The following RPGRIP1L variants were observed in gnomAD, a reference collection of about 807,000 sequenced individuals.
RPGRIP1L encodes RPGRIP1 like, also known as protein fantom.
RPGRIP1L carries 131 observed loss-of-function variants against 160.4 expected under a neutral mutation model. That is an observed-to-expected ratio of 0.82 (90% CI 0.71 to 0.94). RPGRIP1L has a LOEUF of 0.94. RPGRIP1L is among the 40% of genes least tolerant of loss of function. RPGRIP1L has a pLI of 0.00. For synonymous variants in RPGRIP1L, 510 were observed against 515.8 expected, an observed-to-expected ratio of 0.99 and a Z score of 0.15; for missense variants, 1,522 against 1,535.8, an observed-to-expected ratio of 0.99 and a Z score of 0.15.
Position 53,700,748 on chromosome 16 carries a change from T to A in RPGRIP1L, c.-7-18A>T, listed in dbSNP as rs1222252901. On this transcript the variant is annotated intron_variant, in intron 1 of 26. Transcript: ENST00000647211. ...TGGCCTAGCTGTGGAAAAAAGAAAA[T>A]TCAAATAAACTCTTTCCAAATTATT... is the stretch of plus-strand genomic sequence containing the variant. 1.9e-6 allele frequency: 3 copies of A among 1,583,210 alleles called. No homozygotes were observed. In the South Asian group the frequency reaches 3.4e-5, roughly 18 times the overall value.
chr16:53,638,836 G>GT (rs1966013980), intron 19 of RPGRIP1L, among the ~76,000 whole-genome samples: 1 of 151,770 alleles, frequency 6.6e-6, no homozygotes, highest in African/African-American at 2.4e-5. Flanking sequence ...TATATATATA[G>GT]TTGTATTATG....
At chr16:53,645,327 G>C (rs969296633) in intron 17 of RPGRIP1L, among the ~76,000 whole-genome samples, 4 of 151,694 alleles carry the variant, frequency 2.6e-5, no homozygotes, top group African/African-American at 9.7e-5. Flanking sequence ...TTGCAAAAAG[G>C]AGATGAGAGA....
intron 4 of RPGRIP1L, among the ~76,000 whole-genome samples, chr16:53,689,043 CATG>C (rs1970210950): frequency 6.7e-6 from 1 of 150,054 alleles, no homozygotes; most frequent in Non-Finnish European, 1.5e-5. Context: ...CTTACAGTCT[CATG>C]GTGATTTGCC....
chr16:53,619,115 A>G lies in RPGRIP1L; in HGVS notation c.3526T>C (p.Cys1176Arg). The stretch of plus-strand genomic sequence containing the variant: ...TCAGCAGGAAGACTGTAGAATCGAC[A>G]CTCAACAAACAGCCGTTGGATAGTG... Reference protein sequence around the residue: ...DDTIQRLFVECRFYSLPAEET... With the variant: ...DDTIQRLFVERRFYSLPAEET... Residue 1176 changes from cysteine to arginine, a missense_variant, in exon 24 of 27, where the codon TGT becomes CGT. Physicochemically the swap from Cys to Arg is radical, Grantham distance 180. Coordinates refer to ENST00000647211, the MANE Select transcript of RPGRIP1L (RefSeq NM_015272.5). 1.2e-6 allele frequency: 2 copies of G among 1,614,072 alleles called. No homozygotes were observed. Among genetic ancestry groups the G allele is most frequent in the Non-Finnish European group, 1.7e-6 (2 of 1,179,958 alleles).
At chr16:53,633,266 ATTAGGC>A (rs1329816842) in intron 22 of RPGRIP1L, among the ~76,000 whole-genome samples, 1 of 152,224 alleles carries the variant, frequency 6.6e-6, no homozygotes, top group African/African-American at 2.4e-5. Context: ...ACCATCAATA[ATTAGGC>A]AAAATGACAT....
intron 22 of RPGRIP1L, among the ~76,000 whole-genome samples, chr16:53,622,607 T>G (rs1028163173): frequency 6.6e-6 from 1 of 151,886 alleles, no homozygotes; most frequent in African/African-American, 2.4e-5. Flanking sequence ...CACCCATTCC[T>G]GCTCATTTTA....
chr16:53,646,093 A>T, intron 16 of RPGRIP1L, 90 bp from the exon 17 acceptor site: 5 of 1,198,700 alleles, frequency 4.2e-6, no homozygotes, highest in Non-Finnish European at 4.8e-6. Flanking sequence ...AATTTTGTCA[A>T]TGACAAAAGC....
chr16:53,686,620 T>A (rs1157366173), intron 5 of RPGRIP1L, 44 bp from the exon 6 acceptor site: 5 of 1,604,252 alleles, frequency 3.1e-6, no homozygotes, highest in Non-Finnish European at 4.3e-6. Flanking sequence ...TTGAGGAAAA[T>A]TTTTCAATAG....
chr16:53,622,049 G>C (rs1424800137), intron 23 of RPGRIP1L, among the ~76,000 whole-genome samples, 170 bp downstream of exon 23: 2 of 69,552 alleles, frequency 2.9e-5, no homozygotes, highest in Non-Finnish European at 5.3e-5. Context: ...AAAAAAAAAA[G>C]TTCAACTAGA....
At chr16:53,634,489 G>T (rs2151021046) in intron 22 of RPGRIP1L, among the ~76,000 whole-genome samples, 2 of 152,268 alleles carry the variant, frequency 1.3e-5, no homozygotes, top group East Asian at 3.9e-4. Flanking sequence ...TCTCCACCAA[G>T]GTCATGTTAA....
rs914675456 is a variant in RPGRIP1L at position 53,649,592 on chromosome 16, C to T, written c.2153-477G>A. ...ACCTTCCCATTTCTAGACTATCTCA[C>T]AAGCATAAGGGAAAATGTCATAGCT... On this transcript the variant is annotated intron_variant, in intron 15 of 26. Coordinates refer to ENST00000647211, the MANE Select transcript of RPGRIP1L (RefSeq NM_015272.5). Among the ~76,000 whole-genome samples, 11 of 152,186 alleles carry T rather than the reference C, an allele frequency of 7.2e-5. 1 individual carries two copies. The highest frequency in any genetic ancestry group is 6.5e-4 in the Admixed American group (10 of 15,280).
chr16:53,695,449 T>C lies in RPGRIP1L; in HGVS notation c.230+702A>G, dbSNP rs1970684762. 1.4e-6 allele frequency: 1 copy of C among 702,990 alleles called. No individual in the cohort carries two copies. Among genetic ancestry groups the C allele is most frequent in the Non-Finnish European group, 2.6e-6 (1 of 384,994 alleles). The allele number at this position is 702,990 out of a possible 1,614,324, so 43.5% of individuals were successfully genotyped here. On this transcript the variant is annotated intron_variant, in intron 3 of 26. Transcript: ENST00000647211. ...CATTCTTCAATGGTTGTCTCACCTT[T>C]TCTTTGAACCTAGAACATAAATATG...
chr16:53,649,129 C>G lies in RPGRIP1L; in HGVS notation c.2153-14G>C, dbSNP rs761842528. ...CTCCTTTTGTTCCTACAAATCAGTA[C>G]ATAACCCAAGGTTAAAATAGTTTCA... is the stretch of plus-strand genomic sequence containing the variant. On this transcript the variant is annotated splice_polypyrimidine_tract_variant and intron_variant, in intron 15 of 26. Transcript: ENST00000647211. The G allele has an allele frequency of 1.2e-6, 2 of 1,612,618 alleles. No individual in the cohort carries two copies. Among genetic ancestry groups the G allele is most frequent in the Non-Finnish European group, 1.7e-6 (2 of 1,178,738 alleles).
chr16:53,634,678 A>G (rs1235332501), intron 22 of RPGRIP1L, among the ~76,000 whole-genome samples: 2 of 135,920 alleles, frequency 1.5e-5, no homozygotes, highest in Non-Finnish European at 3.3e-5. Context: ...CTCTCTTGCC[A>G]TGTGATCTAC....
intron 26 of RPGRIP1L, among the ~76,000 whole-genome samples, chr16:53,604,993 C>T (rs1167556011): frequency 6.6e-6 from 1 of 151,910 alleles, no homozygotes; most frequent in Non-Finnish European, 1.5e-5. Context: ...GCCTGGGCAA[C>T]ATGATGAAAC....
intron 22 of RPGRIP1L, among the ~76,000 whole-genome samples, chr16:53,630,940 T>C (rs987954993): frequency 1.3e-5 from 2 of 152,018 alleles, no homozygotes; most frequent in Admixed American, 6.5e-5. Flanking sequence ...ACCATGTTGG[T>C]TGGGCTGGTC....
chr16:53,654,268 C>A (rs554719358), intron 14 of RPGRIP1L, among the ~76,000 whole-genome samples: 1 of 152,292 alleles, frequency 6.6e-6, no homozygotes, highest in South Asian at 2.1e-4. Flanking sequence ...GAAAACAGGG[C>A]CTTCACAATT....
In RPGRIP1L at chr16:53,652,643, C is replaced by T; in HGVS notation, c.2044G>A (p.Val682Ile). ...YIQKNTITLE[V>I]HQAYSTEYET... is the part of the protein sequence containing the mutation. Reference sequence around the variant, plus strand: ...TATTCTGTGCTATAAGCCTGGTGGACCTCAAGGGTGATAGTATTCTTCTGA... The same window carrying T: ...TATTCTGTGCTATAAGCCTGGTGGATCTCAAGGGTGATAGTATTCTTCTGA... Residue 682 changes from valine to isoleucine, a missense_variant, in exon 15 of 27, where the codon GTC (valine) becomes ATC (isoleucine). Transcript: ENST00000647211. 5 of 1,613,616 alleles carry T rather than the reference C, an allele frequency of 3.1e-6. No homozygotes were observed. The highest frequency in any genetic ancestry group is 4.2e-6 in the Non-Finnish European group (5 of 1,179,640).
At chr16:53,628,785 C>T (rs1451439597) in intron 22 of RPGRIP1L, 1 of 152,082 alleles carries the variant, frequency 6.6e-6, no homozygotes, top group African/African-American at 2.4e-5. Context: ...TTGCAAACTT[C>T]AGTGATGGGG....
Sources: allele counts gnomAD v4.1 joint callset (sites outside exome capture counted in the v4.1 genomes callset), GRCh38; gene constraint gnomAD v4.1.1; transcripts MANE v1.5; gene names NCBI Gene and HGNC (gene_info 2026-07-23, HGNC 2026-07-21).